The following CPNE4 variants were observed in gnomAD, a reference collection of about 807,000 sequenced individuals.
The protein encoded by CPNE4 is copine 4, also known as copine-4.
Under a neutral mutation model 67.9 loss-of-function variants are expected in CPNE4, and 25 were observed. That is an observed-to-expected ratio of 0.37 (90% confidence interval 0.27 to 0.51). The LOEUF is 0.51. Ranked by LOEUF, CPNE4 falls within the 20% of genes least tolerant of loss-of-function variation. The pLI, the probability that CPNE4 is intolerant of heterozygous loss-of-function variation, is 0.93. For synonymous variants in CPNE4, 242 were observed against 244.9 expected, an observed-to-expected ratio of 0.99 and a Z score of 0.11; for missense variants, 464 against 690.8, an observed-to-expected ratio of 0.67 and a Z score of 3.68.
chr3:131,645,011 T>C (rs1199744537), intron 7 of CPNE4, among the ~76,000 whole-genome samples: 2 of 152,208 alleles, frequency 1.3e-5, no homozygotes, highest in Non-Finnish European at 2.9e-5. Context: ...AGGAATTTAC[T>C]GCCAACAGAG....
intron 7 of CPNE4, among the ~76,000 whole-genome samples, chr3:131,651,486 C>G (rs542245811): frequency 2.1e-4 from 32 of 152,172 alleles, no homozygotes; most frequent in Admixed American, 7.8e-4. Context: ...AACCTGTTTC[C>G]TCATTTAGCC....
chr3:132,020,595 T>C (rs1466152393), intron 1 of CPNE4, among the ~76,000 whole-genome samples: 1 of 152,148 alleles, frequency 6.6e-6, no homozygotes, highest in Non-Finnish European at 1.5e-5. Context: ...GGATCACATG[T>C]TTTACACTTT....
chr3:131,768,457 T>C (rs772829027), intron 2 of CPNE4, among the ~76,000 whole-genome samples: 11 of 152,170 alleles, frequency 7.2e-5, no homozygotes, highest in Non-Finnish European at 2.9e-5. Context: ...GTTGATCTTT[T>C]CTTTCCATCC....
At chr3:131,889,476 T>G (rs2088021243) in intron 2 of CPNE4, among the ~76,000 whole-genome samples, 1 of 152,200 alleles carries the variant, frequency 6.6e-6, no homozygotes, top group Admixed American at 6.5e-5. Context: ...TCCTAAGTCA[T>G]TTAGCAAACT....
chr3:131,691,491 T>C (rs1174702474), intron 5 of CPNE4, among the ~76,000 whole-genome samples: 1 of 152,014 alleles, frequency 6.6e-6, no homozygotes, highest in Non-Finnish European at 1.5e-5. Flanking sequence ...GAGCTAAACA[T>C]TGGGTACACA....
At chr3:131,830,647 C>T (rs949562117) in intron 2 of CPNE4, among the ~76,000 whole-genome samples, 1 of 152,122 alleles carries the variant, frequency 6.6e-6, no homozygotes, top group Non-Finnish European at 1.5e-5. Flanking sequence ...CACTCTCCTG[C>T]CTTCCAATCT....
intron 2 of CPNE4, among the ~76,000 whole-genome samples, chr3:131,832,144 T>G (rs2085397204): frequency 6.6e-6 from 1 of 152,228 alleles, no homozygotes; most frequent in Non-Finnish European, 1.5e-5. Flanking sequence ...AATGTCATTA[T>G]AGCTTTAGAG....
chr3:131,864,267 A>G (rs2086832467), intron 2 of CPNE4, among the ~76,000 whole-genome samples: 1 of 151,494 alleles, frequency 6.6e-6, no homozygotes, highest in South Asian at 2.1e-4. Flanking sequence ...CTTGATGGGG[A>G]TGGCATTGAA....
intron 7 of CPNE4, among the ~76,000 whole-genome samples, chr3:131,625,539 T>C (rs1335832378): frequency 1.3e-5 from 2 of 152,128 alleles, no homozygotes; most frequent in Non-Finnish European, 2.9e-5. Flanking sequence ...AAAATGTACA[T>C]ATATCAACTT....
intron 1 of CPNE4, among the ~76,000 whole-genome samples, chr3:131,936,524 C>T (rs905337619): frequency 1.3e-5 from 2 of 151,966 alleles, no homozygotes; most frequent in African/African-American, 4.8e-5. Flanking sequence ...CTCTCATCAC[C>T]TCAAAGAGAA....
intron 1 of CPNE4, among the ~76,000 whole-genome samples, chr3:131,920,070 A>C (rs1441900396): frequency 2.0e-5 from 3 of 152,132 alleles, no homozygotes; most frequent in African/African-American, 7.2e-5. Context: ...AAATCTGATC[A>C]GGTCACTCCG....
chr3:131,680,327 C>G (rs896503154), intron 6 of CPNE4, among the ~76,000 whole-genome samples: 1 of 150,848 alleles, frequency 6.6e-6, no homozygotes, highest in African/African-American at 2.4e-5. Flanking sequence ...TGTCAAGAGA[C>G]CTTGCATGTG....
intron 6 of CPNE4, among the ~76,000 whole-genome samples, chr3:131,674,753 A>G (rs1234360925): frequency 6.6e-6 from 1 of 151,716 alleles, no homozygotes; most frequent in African/African-American, 2.4e-5. Flanking sequence ...TATCTTTTCA[A>G]AAAACTAACT....
chr3:131,573,799 G>A (rs1301750834), intron 10 of CPNE4, among the ~76,000 whole-genome samples: 1 of 152,026 alleles, frequency 6.6e-6, no homozygotes, highest in Non-Finnish European at 1.5e-5. Context: ...GCTACCTTCT[G>A]TATGTGACAG....
rs559943783 is a variant in CPNE4 at position 131,604,530 on chromosome 3, G to A, written c.682-16948C>T. 1.4e-4 allele frequency among the ~76,000 whole-genome samples: 21 copies of A among 152,122 alleles called. No individual in the cohort carries two copies. In the South Asian group the frequency reaches 4.4e-3, roughly 32 times the overall value. ...GGCAGACCCACCCTTAGTCTGGGTGGGCACCATCTAATCAGCTGCCAGCAA... is the reference window on the plus strand; with the variant it reads ...GGCAGACCCACCCTTAGTCTGGGTGAGCACCATCTAATCAGCTGCCAGCAA... On this transcript the variant is annotated intron_variant, in intron 7 of 15. Transcript: ENST00000429747.
At chr3:132,008,085 A>G (rs907486040) in intron 1 of CPNE4, among the ~76,000 whole-genome samples, 1 of 152,184 alleles carries the variant, frequency 6.6e-6, no homozygotes, top group Admixed American at 6.5e-5. Context: ...GTGCTAATAA[A>G]TGTGGAACGA....
chr3:131,702,270 G>C (rs1344342152), intron 3 of CPNE4, among the ~76,000 whole-genome samples: 1 of 152,206 alleles, frequency 6.6e-6, no homozygotes, highest in East Asian at 1.9e-4. Flanking sequence ...TTATGTTACA[G>C]ATGCTTTATT....
intron 2 of CPNE4, among the ~76,000 whole-genome samples, chr3:131,818,072 C>T (rs1404912045): frequency 1.3e-5 from 2 of 152,152 alleles, no homozygotes; most frequent in South Asian, 2.1e-4. Context: ...ACCCTAAATC[C>T]GGTTTTTTAA....
chr3:131,709,745 G>T (rs923289257), intron 3 of CPNE4, among the ~76,000 whole-genome samples: 1 of 152,228 alleles, frequency 6.6e-6, no homozygotes, highest in Non-Finnish European at 1.5e-5. Context: ...CAGGGGGTTT[G>T]TGAGGATTAA....
Sources: gnomAD v4.1 joint callset for allele counts (sites outside exome capture counted in the v4.1 genomes callset) on GRCh38, gnomAD v4.1.1 for gene constraint, MANE v1.5 for transcripts, NCBI Gene and HGNC (gene_info 2026-07-23, HGNC 2026-07-21) for gene names.